EIF4ENIF1: variants seen among roughly 807,000 people sequenced by gnomAD.
EIF4ENIF1 encodes eukaryotic translation initiation factor 4E transporter.
A neutral mutation model predicts 110.5 loss-of-function variants in EIF4ENIF1; 23 were observed. The ratio of observed to expected loss-of-function variants is 0.21; its 90% confidence interval spans 0.15 to 0.29. The LOEUF is 0.29. Among genes scored for constraint, EIF4ENIF1 ranks in the 10% least tolerant of loss-of-function variants. The pLI is 1.00. For missense variants in EIF4ENIF1, 1,031 were observed against 1,221.1 expected (o/e 0.84, Z 2.32); for synonymous variants, 440 against 437.0 (o/e 1.01, Z -0.09).
chr22:31,444,762 A>C (rs149891727), intron 14 of EIF4ENIF1, 72 bp from the exon 15 acceptor site: 145 of 1,427,882 alleles, frequency 1.0e-4, no homozygotes, highest in East Asian at 6.4e-4. Context: ...TATAATACTC[A>C]AGACCAGCCT....
At chr22:31,474,440 G>A (rs1403405729) in intron 2 of EIF4ENIF1, among the ~76,000 whole-genome samples, 1 of 151,552 alleles carries the variant, frequency 6.6e-6, no homozygotes, top group Non-Finnish European at 1.5e-5. Flanking sequence ...GATTTTGCCA[G>A]TGGGTGCCTC....
chr22:31,468,129 T>C (rs773736543), intron 4 of EIF4ENIF1, 46 bp downstream of exon 4: 7 of 1,592,330 alleles, frequency 4.4e-6, no homozygotes, highest in Non-Finnish European at 3.4e-6. Context: ...GGCAAAAGCA[T>C]GTCCCCAAAA....
Position 31,440,025 on chromosome 22 carries a change from T to C in EIF4ENIF1, c.2813A>G (p.His938Arg), listed in dbSNP as rs1336081981. 6.2e-7 allele frequency: 1 copy of C among 1,613,540 alleles called. No homozygotes were observed. Residue 938 changes from histidine to arginine, a missense_variant, in exon 19 of 19, where the codon CAC becomes CGC. Transcript: ENST00000330125. ...GCTGGGGCGATGCTCCAGCTGGGAG[T>C]GCATGTGGGGCAGGCCTGACCGGCT... ...VPSRSGLPHM[H>R]SQLEHRPSQR...
chr22:31,465,300 G>T (rs1309632896), intron 4 of EIF4ENIF1, among the ~76,000 whole-genome samples: 1 of 143,576 alleles, frequency 7.0e-6, no homozygotes, highest in Non-Finnish European at 1.5e-5. Flanking sequence ...TGTAGCCTGG[G>T]CACCAAGAGC....
chr22:31,465,419 A>T (rs752673890), intron 4 of EIF4ENIF1, among the ~76,000 whole-genome samples: 1 of 152,204 alleles, frequency 6.6e-6, no homozygotes, highest in Non-Finnish European at 1.5e-5. Flanking sequence ...AAATAAGCAT[A>T]TGAAAAGATA....
chr22:31,458,603 C>A lies in EIF4ENIF1; in HGVS notation c.835G>T (p.Val279Phe), dbSNP rs1470853611. The A allele has an allele frequency of 6.2e-7, 1 of 1,612,472 alleles. No individual in the cohort carries two copies. ...GGVAEEDEVEVILAQEPAADQ... is the reference protein window; with the variant it reads ...GGVAEEDEVEFILAQEPAADQ... ...GCCGCAGGCTCCTGTGCAAGGATGA[C>A]CTCCACTTCATCCTCTTCGGCCACT... is the stretch of plus-strand genomic sequence containing the variant. Residue 279 changes from valine (V) to phenylalanine (F), a missense_variant, in exon 7 of 19, where the codon GTC becomes TTC. By Grantham distance (50) the Val-to-Phe change is conservative. Around this residue, in one of 3 missense-constraint regions of EIF4ENIF1, gnomAD observed 704 missense variants for 879.7 expected, o/e 0.80. Coordinates refer to ENST00000330125, the MANE Select transcript of EIF4ENIF1 (RefSeq NM_019843.4).
intron 2 of EIF4ENIF1, among the ~76,000 whole-genome samples, chr22:31,483,987 G>GA (rs1435145915): frequency 6.6e-6 from 1 of 152,086 alleles, no homozygotes; most frequent in African/African-American, 2.4e-5. Context: ...TCTAACTTGA[G>GA]GTCCTAAAAT....
intron 5 of EIF4ENIF1, 39 bp downstream of exon 5, chr22:31,463,642 G>C: frequency 6.8e-7 from 1 of 1,469,376 alleles, no homozygotes. Context: ...GCGAAACTCC[G>C]TCTCAATTTA....
chr22:31,446,865 C>T, intron 14 of EIF4ENIF1: 12 of 277,272 alleles, frequency 4.3e-5, no homozygotes, highest in South Asian at 1.4e-4. Flanking sequence ...TTCATTTTAC[C>T]ATTTGTTGCA....
At chr22:31,465,713 T>TAC (rs2051162263) in intron 4 of EIF4ENIF1, among the ~76,000 whole-genome samples, 1 of 152,256 alleles carries the variant, frequency 6.6e-6, no homozygotes, top group Non-Finnish European at 1.5e-5. Flanking sequence ...CAGAGACTTG[T>TAC]ACATGAATGT....
chr22:31,461,365 C>A (rs1210798647), intron 6 of EIF4ENIF1, among the ~76,000 whole-genome samples: 2 of 152,156 alleles, frequency 1.3e-5, no homozygotes, highest in African/African-American at 2.4e-5. Flanking sequence ...GCAGGTACTT[C>A]ACACACATTA....
chr22:31,455,393 TTC>T, intron 8 of EIF4ENIF1, 78 bp from the exon 9 acceptor site: 4 of 1,217,098 alleles, frequency 3.3e-6, no homozygotes, highest in Middle Eastern at 2.4e-4. Flanking sequence ...TTTTCTTTCT[TTC>T]TTTTTTTTTT....
In EIF4ENIF1 at chr22:31,455,386, TC is replaced by T. The variant is rs2050782517; in HGVS notation, c.1100-72del. 4.0e-6 allele frequency: 5 copies of T among 1,247,826 alleles called. No individual in the cohort carries two copies. The South Asian group carries it at 9.6e-5, about 24-fold the overall frequency. 77.3% of individuals were successfully genotyped at this position (1,247,826 alleles called of 1,614,324 possible). On this transcript the variant is annotated intron_variant, in intron 8 of 18. Transcript: ENST00000330125. The stretch of plus-strand genomic sequence containing the variant: ...AGAAACATGCCTTCGACAGTATTTT[TC>T]TTTCTTTCTTTTTTTTTTTTTTTTT...
At chr22:31,438,343 T>TAATA (rs2050203440), downstream of EIF4ENIF1, among the ~76,000 whole-genome samples, 1 of 152,222 alleles carries the variant, frequency 6.6e-6, no homozygotes, top group Non-Finnish European at 1.5e-5. Context: ...ATGTATATAC[T>TAATA]AATAGTTAAG....
At chr22:31,464,726 A>ATAT (rs796108181) in intron 4 of EIF4ENIF1, among the ~76,000 whole-genome samples, 1 of 57,316 alleles carries the variant, frequency 1.7e-5, no homozygotes, top group Admixed American at 2.1e-4. Context: ...ATATATATAT[A>ATAT]AACAGATATA....
At chr22:31,464,173 A>G (rs2051094550) in intron 4 of EIF4ENIF1, 5 of 556,234 alleles carry the variant, frequency 9.0e-6, no homozygotes, top group South Asian at 8.8e-5. Context: ...TTGCAGCAAT[A>G]GAAGTACGTC....
chr22:31,449,012 T>TA (rs1374750651), intron 12 of EIF4ENIF1, among the ~76,000 whole-genome samples: 1 of 152,062 alleles, frequency 6.6e-6, no homozygotes, highest in African/African-American at 2.4e-5. Context: ...CCCAAAAGTA[T>TA]ATTTATTTAT....
intron 7 of EIF4ENIF1, among the ~76,000 whole-genome samples, 183 bp downstream of exon 7, chr22:31,458,292 C>G (rs1219497250): frequency 6.6e-6 from 1 of 150,760 alleles, no homozygotes; most frequent in Non-Finnish European, 1.5e-5. Context: ...AAAGAGTTAA[C>G]TGGTACAAAA....
chr22:31,451,468 G>A (rs2050672439), intron 10 of EIF4ENIF1, among the ~76,000 whole-genome samples: 1 of 151,410 alleles, frequency 6.6e-6, no homozygotes, highest in Non-Finnish European at 1.5e-5. Flanking sequence ...TAGAGACGGG[G>A]TTTCACCATG....
Sources: allele counts gnomAD v4.1 joint callset (sites outside exome capture counted in the v4.1 genomes callset), GRCh38; gene constraint gnomAD v4.1.1; regional missense constraint gnomAD v4.1.1; transcripts MANE v1.5; gene names NCBI Gene and HGNC (gene_info 2026-07-23, HGNC 2026-07-21).